Variants in TRAF3IP2 observed in about 807,000 individuals in gnomAD.
TRAF3IP2 encodes TRAF3 interacting protein 2, also known as E3 ubiquitin ligase TRAF3IP2.
TRAF3IP2 carries 35 observed loss-of-function variants against 57.9 expected under a neutral mutation model. That is an observed-to-expected ratio of 0.60 (90% CI 0.46 to 0.80). TRAF3IP2 has a LOEUF of 0.80. Among genes scored for constraint, TRAF3IP2 ranks in the 30% least tolerant of loss-of-function variants. The probability of loss-of-function intolerance (pLI) is 0.00; values close to 1 mark genes in which losing one functional copy is unlikely to be tolerated. For missense variants in TRAF3IP2, 556 were observed against 706.4 expected (o/e 0.79, Z 2.41); for synonymous variants, 251 against 268.9 (o/e 0.93, Z 0.65).
chr6:111,566,671 C>CAG, intron 6 of TRAF3IP2, 111 bp from the exon 7 acceptor site: 1 of 906,168 alleles, frequency 1.1e-6, no homozygotes, highest in East Asian at 2.4e-5. Flanking sequence ...GAAAGAGAAG[C>CAG]ACTGGCCCCC....
intron 2 of TRAF3IP2, among the ~76,000 whole-genome samples, chr6:111,580,840 G>A (rs954824810): frequency 2.7e-5 from 4 of 150,578 alleles, no homozygotes; most frequent in South Asian, 2.1e-4. Context: ...GGACATACAC[G>A]TGCATGTGCA....
intron 6 of TRAF3IP2, chr6:111,567,174 TTCTG>T (rs1386377024): frequency 1.8e-5 from 18 of 1,003,198 alleles, no homozygotes; most frequent in Non-Finnish European, 2.1e-5. Flanking sequence ...CCGGTATAGA[TTCTG>T]TCAGTGGAGA....
chr6:111,575,679 C>G lies in TRAF3IP2; in HGVS notation c.1165G>C (p.Gly389Arg). Reference protein sequence around the residue: ...PRPPSNPPARGTLKTSNLPEE... With the variant: ...PRPPSNPPARRTLKTSNLPEE... ...GGCAAATTGCTTGTTTTTAGAGTTC[C>G]TCTGGCTGGAGGGTTGCTAGGGGGT... is the stretch of plus-strand genomic sequence containing the variant. Residue 389 changes from glycine to arginine, a missense_variant, in exon 4 of 9, where the codon GGA (glycine) becomes CGA (arginine). Around this residue, in one of 2 missense-constraint regions of TRAF3IP2, gnomAD observed 428 missense variants for 498.7 expected, o/e 0.86. Transcript: ENST00000368761. 2.5e-6 allele frequency: 4 copies of G among 1,613,094 alleles called. No homozygotes were observed. The highest frequency in any genetic ancestry group is 3.4e-6 in the Non-Finnish European group (4 of 1,179,786).
chr6:111,567,717 T>C, intron 5 of TRAF3IP2, 25 bp from the exon 6 acceptor site: 1 of 1,583,674 alleles, frequency 6.3e-7, no homozygotes, highest in Admixed American at 1.8e-5. Context: ...ATGTGGGAGT[T>C]GGCCCTTAAT....
intron 5 of TRAF3IP2, among the ~76,000 whole-genome samples, chr6:111,570,243 T>C (rs1305487436): frequency 6.6e-6 from 1 of 152,182 alleles, no homozygotes; most frequent in African/African-American, 2.4e-5. Flanking sequence ...AAAATAAATT[T>C]CTACGCTTAA....
At chr6:111,566,323 TG>T in intron 7 of TRAF3IP2, 120 bp downstream of exon 7, 1 of 802,108 alleles carries the variant, frequency 1.2e-6, no homozygotes, top group Non-Finnish European at 2.1e-6. Flanking sequence ...ATGGCAAGCC[TG>T]GAGCTCTTCA....
chr6:111,597,581 C>T (rs941750637), intron 1 of TRAF3IP2, among the ~76,000 whole-genome samples: 22 of 152,182 alleles, frequency 1.4e-4, no homozygotes, highest in East Asian at 3.9e-4. Context: ...TCTGTTTTGT[C>T]TTTAATGTCC....
rs191714491 is a variant in TRAF3IP2 at position 111,575,543 on chromosome 6, G to A, written c.1201+100C>T. The A allele has an allele frequency of 2.5e-4, 337 of 1,328,650 alleles. 2 individuals are homozygous for A. Among genetic ancestry groups the A allele is most frequent in the East Asian group, 2.4e-4 (10 of 40,906 alleles). 82.3% of individuals were successfully genotyped at this position (1,328,650 alleles called of 1,614,324 possible). A position where few individuals can be genotyped will look rare whatever the true frequency, so the allele number is the denominator to read the frequency against. On this transcript the variant is annotated intron_variant, in intron 4 of 8. Coordinates refer to ENST00000368761, the MANE Select transcript of TRAF3IP2 (RefSeq NM_147686.4). ...GCGGAGCTTGCAGTGAGCTGAGATC[G>A]CACCACTGCACTCCAGCCTGGGCAA...
At chr6:111,564,209 C>T (rs1335407909) in intron 7 of TRAF3IP2, among the ~76,000 whole-genome samples, 1 of 152,034 alleles carries the variant, frequency 6.6e-6, no homozygotes, top group East Asian at 1.9e-4. Context: ...AAATCCTCCA[C>T]AAGGTGTTTT....
intron 8 of TRAF3IP2, among the ~76,000 whole-genome samples, chr6:111,561,930 G>A (rs1262922071): frequency 2.0e-5 from 3 of 152,174 alleles, no homozygotes; most frequent in Non-Finnish European, 4.4e-5. Flanking sequence ...GGATAGAAAG[G>A]TGTGCCATCG....
At chr6:111,565,891 A>G (rs1041702419) in intron 7 of TRAF3IP2, among the ~76,000 whole-genome samples, 1 of 152,150 alleles carries the variant, frequency 6.6e-6, no homozygotes. Flanking sequence ...CTTCACGACA[A>G]TCCTGTAAGT....
chr6:111,589,779 G>GT (rs1378062008), intron 2 of TRAF3IP2, among the ~76,000 whole-genome samples: 2 of 151,638 alleles, frequency 1.3e-5, no homozygotes, highest in African/African-American at 4.8e-5. Context: ...TCTCCTCTTT[G>GT]TTTTTTTCTT....
intron 1 of TRAF3IP2, among the ~76,000 whole-genome samples, chr6:111,603,961 T>C (rs1326096598): frequency 1.3e-5 from 2 of 152,220 alleles, no homozygotes; most frequent in African/African-American, 4.8e-5. Context: ...AGAGCGAGGC[T>C]GGCAAGTGCA....
In TRAF3IP2 at chr6:111,565,382, T is replaced by C. The variant is rs150078629; in HGVS notation, c.1476+1062A>G. ...TCCAGGTGCCTTCCCCCTCATGAAG[T>C]GTTAGAGCTGAAATGGAGCTTATCA... On this transcript the variant is annotated intron_variant, in intron 7 of 8. Transcript: ENST00000368761. 4 of 152,336 alleles carry C rather than the reference T, an allele frequency of 2.6e-5. No individual in the cohort carries two copies. The East Asian group carries it at 7.7e-4, about 29-fold the overall frequency. 9.4% of individuals were successfully genotyped at this position (152,336 alleles called of 1,614,324 possible). A position where few individuals can be genotyped will look rare whatever the true frequency, so the allele number is the denominator to read the frequency against.
At chr6:111,605,211 C>A (rs889995580) in intron 1 of TRAF3IP2, among the ~76,000 whole-genome samples, 2 of 152,204 alleles carry the variant, frequency 1.3e-5, no homozygotes, top group African/African-American at 4.8e-5. Context: ...CTCCGTCCAG[C>A]GCCAGGCTGG....
chr6:111,598,871 A>C (rs894929379), intron 1 of TRAF3IP2, among the ~76,000 whole-genome samples: 1 of 152,098 alleles, frequency 6.6e-6, no homozygotes, highest in Non-Finnish European at 1.5e-5. Context: ...CAGTGAACAT[A>C]TCTCTTCAAA....
chr6:111,601,135 G>A, intron 1 of TRAF3IP2: 1 of 731,914 alleles, frequency 1.4e-6, no homozygotes, highest in Admixed American at 1.8e-5. Context: ...GAAGAAAGGG[G>A]ATGGGGAAGC....
In TRAF3IP2 at chr6:111,559,276, G is replaced by A. The variant is rs540931128; in HGVS notation, c.*129C>T. ...GCTCTGCACAACAGGTTTCCTGGGG[G>A]CCAGAGGGCCTCTCGGGGAGGAACA... On this transcript the variant is annotated 3_prime_UTR_variant, in exon 9 of 9. Coordinates refer to ENST00000368761, the MANE Select transcript of TRAF3IP2 (RefSeq NM_147686.4). The A allele has an allele frequency of 8.4e-6, 11 of 1,312,462 alleles. No individual in the cohort carries two copies. The highest frequency in any genetic ancestry group is 2.3e-5 in the Admixed American group (1 of 43,888). The allele number at this position is 1,312,462 out of a possible 1,614,324, so 81.3% of individuals were successfully genotyped here.
chr6:111,587,783 G>A (rs1458916973), intron 2 of TRAF3IP2, among the ~76,000 whole-genome samples: 1 of 152,146 alleles, frequency 6.6e-6, no homozygotes, highest in Non-Finnish European at 1.5e-5. Context: ...TGTATTCAGT[G>A]CAACATGGGC....
Sources: allele counts gnomAD v4.1 joint callset (sites outside exome capture counted in the v4.1 genomes callset), GRCh38; gene constraint gnomAD v4.1.1; regional missense constraint gnomAD v4.1.1; transcripts MANE v1.5; gene names NCBI Gene and HGNC (gene_info 2026-07-23, HGNC 2026-07-21).